SLC1A1: variants seen among roughly 807,000 people sequenced by gnomAD.
The protein encoded by SLC1A1 is excitatory amino acid transporter 3.
In SLC1A1, 43 loss-of-function variants were observed where a neutral mutation model predicts 53.3. That is an observed-to-expected ratio of 0.81 (90% confidence interval 0.63 to 1.04). The LOEUF (loss-of-function observed/expected upper bound fraction) is 1.04. SLC1A1 is among the 50% of genes least tolerant of loss of function. The pLI, the probability that SLC1A1 is intolerant of heterozygous loss-of-function variation, is 0.00. For synonymous variants in SLC1A1, 307 were observed against 243.2 expected (o/e 1.26, Z -2.44); for missense variants, 748 against 664.9 (o/e 1.12, Z -1.37).
chr9:4,566,130 C>T lies in SLC1A1; in HGVS notation c.483+41C>T, dbSNP rs1819464506. ...TGTGCCCTTAACTTGCTACCCTCTT[C>T]CCATTATCAATTAAAAATGTTTTTT... On this transcript the variant is annotated intron_variant, in intron 5 of 11. Transcript: ENST00000262352. The T allele has an allele frequency of 3.9e-6, 6 of 1,535,396 alleles. No individual in the cohort carries two copies. The East Asian group carries it at 1.3e-4, about 35-fold the overall frequency.
intron 1 of SLC1A1, among the ~76,000 whole-genome samples, chr9:4,494,353 G>C (rs1348027953): frequency 6.6e-6 from 1 of 152,080 alleles, no homozygotes; most frequent in Non-Finnish European, 1.5e-5. Context: ...TGTGTGGCTG[G>C]CATATATTCA....
In SLC1A1 at chr9:4,510,355, C is replaced by T. The variant is rs187379685; in HGVS notation, c.91+19585C>T. Among the ~76,000 whole-genome samples, 99 of 152,286 alleles carry T rather than the reference C, an allele frequency of 6.5e-4. 1 individual carries two copies. Among genetic ancestry groups the T allele is most frequent in the African/African-American group, 2.2e-3 (90 of 41,562 alleles). ...GGGCAAATGTGGCTGGCGGAGAAGGCACCTAGAATACCAGTGGCAGCTTCT... is the reference window on the plus strand; with the variant it reads ...GGGCAAATGTGGCTGGCGGAGAAGGTACCTAGAATACCAGTGGCAGCTTCT... On this transcript the variant is annotated intron_variant, in intron 1 of 11. Transcript: ENST00000262352.
intron 1 of SLC1A1, among the ~76,000 whole-genome samples, chr9:4,517,207 T>TTC (rs1815879596): frequency 6.6e-6 from 1 of 152,202 alleles, no homozygotes; most frequent in Non-Finnish European, 1.5e-5. Flanking sequence ...CCGTCCTCAA[T>TTC]AGTCCCCGCC....
At chr9:4,491,438 C>A (rs1438836821) in intron 1 of SLC1A1, among the ~76,000 whole-genome samples, 1 of 152,214 alleles carries the variant, frequency 6.6e-6, no homozygotes, top group Middle Eastern at 3.2e-3. Flanking sequence ...GCTAAGAGAA[C>A]TCAGCCGTCT....
In SLC1A1 at chr9:4,572,259, T is replaced by C; in HGVS notation, c.638T>C (p.Leu213Pro). Residue 213 changes from leucine (L) to proline (P), a missense_variant, in exon 7 of 12, where the codon CTG (leucine) becomes CCG (proline). Physicochemically the swap from Leu to Pro is moderately conservative, Grantham distance 98. Coordinates refer to ENST00000262352, the MANE Select transcript of SLC1A1 (RefSeq NM_004170.6). ...VGMYSDGINV[L>P]GLIVFCLVFG... Reference sequence around the variant, plus strand: ...ATGTATTCAGATGGCATAAACGTCCTGGGCTTGATTGTCTTTTGCCTTGTC... The same window carrying C: ...ATGTATTCAGATGGCATAAACGTCCCGGGCTTGATTGTCTTTTGCCTTGTC... The C allele has an allele frequency of 6.2e-7, 1 of 1,614,204 alleles. No individual in the cohort carries two copies. The highest frequency in any genetic ancestry group is 8.5e-7 in the Non-Finnish European group (1 of 1,180,010).
intron 1 of SLC1A1, among the ~76,000 whole-genome samples, chr9:4,507,249 AAAAT>A (rs1820838576): frequency 1.3e-5 from 2 of 152,036 alleles, no homozygotes; most frequent in Admixed American, 1.3e-4. Context: ...AAGAAAAAAA[AAAAT>A]AGATTCCAAG....
At chr9:4,498,686 T>C (rs1280797199) in intron 1 of SLC1A1, among the ~76,000 whole-genome samples, 3 of 151,512 alleles carry the variant, frequency 2.0e-5, no homozygotes, top group African/African-American at 7.3e-5. Flanking sequence ...ATTAATATAT[T>C]TATTCCATAG....
chr9:4,544,518 G>C (rs1366061592), intron 1 of SLC1A1, 49 bp from the exon 2 acceptor site: 1 of 1,563,494 alleles, frequency 6.4e-7, no homozygotes, highest in South Asian at 1.1e-5. Flanking sequence ...AGATACAGGA[G>C]AACTCAATAA....
At chr9:4,557,197 G>C (rs1241970164) in intron 2 of SLC1A1, among the ~76,000 whole-genome samples, 2 of 152,166 alleles carry the variant, frequency 1.3e-5, no homozygotes, top group South Asian at 2.1e-4. Flanking sequence ...CATTCGTAGA[G>C]CACCTTATTT....
rs373832980 is a variant in SLC1A1 at position 4,538,443 on chromosome 9, A to G, written c.92-6124A>G. Among the ~76,000 whole-genome samples, 8 of 152,318 alleles carry G rather than the reference A, an allele frequency of 5.3e-5. No homozygotes were observed. In the East Asian group the frequency reaches 1.5e-3, roughly 29 times the overall value. On this transcript the variant is annotated intron_variant, in intron 1 of 11. Transcript: ENST00000262352. Reference sequence around the variant, plus strand: ...GATAACTTTGAATAGAATGGGAGGAAGATTTGCCCTAAGCAGTTGCCAGCT... The same window carrying G: ...GATAACTTTGAATAGAATGGGAGGAGGATTTGCCCTAAGCAGTTGCCAGCT...
At chr9:4,536,376 G>T (rs1436674760) in intron 1 of SLC1A1, among the ~76,000 whole-genome samples, 1 of 151,840 alleles carries the variant, frequency 6.6e-6, no homozygotes, top group Admixed American at 6.6e-5. Context: ...TCAAAAAGTG[G>T]GCGAAGGATA....
chr9:4,497,374 C>G (rs1179954162), intron 1 of SLC1A1, among the ~76,000 whole-genome samples: 1 of 152,148 alleles, frequency 6.6e-6, no homozygotes, highest in Non-Finnish European at 1.5e-5. Context: ...TATTATTACC[C>G]TATATTCTGA....
Position 4,585,815 on chromosome 9 carries a change from A to G in SLC1A1, c.*257A>G. On this transcript the variant is annotated 3_prime_UTR_variant, in exon 12 of 12. Coordinates refer to ENST00000262352, the MANE Select transcript of SLC1A1 (RefSeq NM_004170.6). ...GGGTTTTAGAAATTCTATAAGAGAC[A>G]AAGTTTGGAAGTACATAAAGTAATA... 2.0e-6 allele frequency: 1 copy of G among 499,462 alleles called. No individual in the cohort carries two copies. The highest frequency in any genetic ancestry group is 3.4e-5 in the Admixed American group (1 of 29,784). The allele number at this position is 499,462 out of a possible 1,614,324, so 30.9% of individuals were successfully genotyped here. A position where few individuals can be genotyped will look rare whatever the true frequency, so the allele number is the denominator to read the frequency against.
rs190419703 is a variant in SLC1A1 at position 4,556,531 on chromosome 9, G to T, written c.233-4918G>T. Among the ~76,000 whole-genome samples, 151 of 152,284 alleles carry T rather than the reference G, an allele frequency of 9.9e-4. No homozygotes were observed. The highest frequency in any genetic ancestry group is 2.1e-3 in the Admixed American group (32 of 15,300). On this transcript the variant is annotated intron_variant, in intron 2 of 11. Transcript: ENST00000262352. The surrounding 1 kb of genome is among the most constrained non-coding windows in gnomAD (Gnocchi z 4.1). ...AGAGGGGGTCCTTCAGACCTCGCCA[G>T]CCACCAAAGATGGCCTGAGAGCAAG... is the stretch of plus-strand genomic sequence containing the variant.
chr9:4,552,052 CT>C (rs1817972878), intron 2 of SLC1A1, among the ~76,000 whole-genome samples: 1 of 152,194 alleles, frequency 6.6e-6, no homozygotes, highest in South Asian at 2.1e-4. Flanking sequence ...ATGCATGAGC[CT>C]TCTTTCTGAC....
intron 2 of SLC1A1, among the ~76,000 whole-genome samples, chr9:4,548,409 A>C (rs1202789092): frequency 6.6e-6 from 1 of 152,162 alleles, no homozygotes; most frequent in Non-Finnish European, 1.5e-5. Flanking sequence ...GAGTCCCCTA[A>C]GGATACGTAA....
At chr9:4,554,958 A>G (rs1290062417) in intron 2 of SLC1A1, among the ~76,000 whole-genome samples, 1 of 152,252 alleles carries the variant, frequency 6.6e-6, no homozygotes, top group Non-Finnish European at 1.5e-5. Context: ...TGTTCTGGGC[A>G]CTGTACTAGG....
chr9:4,516,250 C>A (rs1821157686), intron 1 of SLC1A1, among the ~76,000 whole-genome samples: 2 of 152,272 alleles, frequency 1.3e-5, no homozygotes, highest in South Asian at 4.2e-4. Context: ...CGGGCCTGAA[C>A]ATTTGAACAA....
At chr9:4,518,196 T>G (rs1407273112) in intron 1 of SLC1A1, among the ~76,000 whole-genome samples, 1 of 126,922 alleles carries the variant, frequency 7.9e-6, no homozygotes, top group African/African-American at 3.1e-5. Context: ...GATCTCACCA[T>G]TGCACTCCAG....
Sources: gnomAD v4.1 joint callset for allele counts (sites outside exome capture counted in the v4.1 genomes callset) on GRCh38, gnomAD v4.1.1 for gene constraint, Gnocchi (gnomAD v3.1) non-coding constraint, MANE v1.5 for transcripts, NCBI Gene and HGNC (gene_info 2026-07-23, HGNC 2026-07-21) for gene names.